Variants in CPNE2 observed in about 807,000 individuals in gnomAD.
The protein encoded by CPNE2 is copine-2.
Under a neutral mutation model 69.7 loss-of-function variants are expected in CPNE2, and 42 were observed. The ratio of observed to expected loss-of-function variants is 0.60; its 90% CI spans 0.47 to 0.78. CPNE2 has a LOEUF of 0.78. Ranked by LOEUF, CPNE2 falls within the 30% of genes least tolerant of loss-of-function variation. The pLI is 0.00. For missense variants in CPNE2, 587 were observed against 732.0 expected (o/e 0.80, Z 2.29); for synonymous variants, 294 against 289.8 (o/e 1.01, Z -0.15).
intron 14 of CPNE2, among the ~76,000 whole-genome samples, chr16:57,138,206 C>T (rs1478845329): frequency 6.6e-6 from 1 of 152,212 alleles, no homozygotes; most frequent in African/African-American, 2.4e-5. Flanking sequence ...GGCCAGCCCC[C>T]ACCCCTTTCT....
intron 6 of CPNE2, 42 bp from the exon 7 acceptor site, chr16:57,119,519 T>C (rs1386535020): frequency 2.6e-6 from 4 of 1,550,676 alleles, no homozygotes; most frequent in Non-Finnish European, 3.5e-6. Flanking sequence ...AGAGCACTGC[T>C]GCCCAGGGCC....
At chr16:57,104,852 G>A (rs1022254651) in intron 1 of CPNE2, among the ~76,000 whole-genome samples, 2 of 152,184 alleles carry the variant, frequency 1.3e-5, no homozygotes, top group African/African-American at 4.8e-5. Flanking sequence ...GGAACAGCAA[G>A]TGCTAAGGCC....
intron 1 of CPNE2, among the ~76,000 whole-genome samples, chr16:57,100,376 G>T (rs1424879363): frequency 6.6e-6 from 1 of 152,256 alleles, no homozygotes. Flanking sequence ...TGAGGGAGGG[G>T]ACTTTGAGAG....
intron 1 of CPNE2, among the ~76,000 whole-genome samples, chr16:57,103,540 C>T (rs2069628921): frequency 6.6e-6 from 1 of 152,236 alleles, no homozygotes; most frequent in Non-Finnish European, 1.5e-5. Flanking sequence ...TCTCCACCAG[C>T]CTCTGGAATG....
Position 57,117,450 on chromosome 16 carries a change from G to A in CPNE2, c.436-46G>A. On this transcript the variant is annotated intron_variant, in intron 4 of 15. Coordinates refer to ENST00000290776, the MANE Select transcript of CPNE2 (RefSeq NM_152727.6). ...GCACCCTGTGCCATCCTGCCTGGCA[G>A]GAGGCTGGGGGAGTCTGAGGAGCCC... is the stretch of plus-strand genomic sequence containing the variant. The A allele has an allele frequency of 1.9e-6, 3 of 1,592,028 alleles. No homozygotes were observed. The South Asian group carries it at 3.4e-5, about 18-fold the overall frequency.
At chr16:57,112,370 G>T (rs1597493590) in intron 2 of CPNE2, among the ~76,000 whole-genome samples, 1 of 152,094 alleles carries the variant, frequency 6.6e-6, no homozygotes, top group East Asian at 1.9e-4. Flanking sequence ...TAGAACCCTT[G>T]AGTGCCCCGA....
At chr16:57,109,285 G>A (rs1328048646) in intron 1 of CPNE2, among the ~76,000 whole-genome samples, 1 of 152,114 alleles carries the variant, frequency 6.6e-6, no homozygotes, top group Non-Finnish European at 1.5e-5. Context: ...AGACCAGCCT[G>A]GTCAATGTGG....
chr16:57,104,528 T>C (rs914571375), intron 1 of CPNE2, among the ~76,000 whole-genome samples: 1 of 152,150 alleles, frequency 6.6e-6, no homozygotes, highest in Non-Finnish European at 1.5e-5. Context: ...GTGGCTATGA[T>C]TGCTCTGGGG....
intron 1 of CPNE2, among the ~76,000 whole-genome samples, chr16:57,100,660 G>A (rs1205285022): frequency 5.9e-5 from 9 of 152,244 alleles, no homozygotes; most frequent in African/African-American, 2.2e-4. Flanking sequence ...CTCACCTGGA[G>A]AATGGGAGTG....
Position 57,147,713 on chromosome 16 carries a change from C to T in CPNE2, c.*55C>T. The T allele has an allele frequency of 1.7e-6, 2 of 1,195,580 alleles. No individual in the cohort carries two copies. The highest frequency in any genetic ancestry group is 2.3e-6 in the Non-Finnish European group (2 of 853,402). 74.1% of individuals were successfully genotyped at this position (1,195,580 alleles called of 1,614,324 possible). A position where few individuals can be genotyped will look rare whatever the true frequency, so the allele number is the denominator to read the frequency against. ...TGAGCCTCCTGCCCTCCCCCAGGAA[C>T]ATGCACGCTCACTCTGCTTCCTTGT... On this transcript the variant is annotated 3_prime_UTR_variant, in exon 16 of 16. Transcript: ENST00000290776.
intron 13 of CPNE2, among the ~76,000 whole-genome samples, chr16:57,136,220 G>T (rs1425539038): frequency 6.6e-6 from 1 of 152,164 alleles, no homozygotes; most frequent in Non-Finnish European, 1.5e-5. Context: ...ACCTTCCCTG[G>T]GGATCCCCAA....
rs2069675093 is a variant in CPNE2 at position 57,110,688 on chromosome 16, C to T, written c.-35-20C>T. On this transcript the variant is annotated intron_variant, in intron 1 of 15. Coordinates refer to ENST00000290776, the MANE Select transcript of CPNE2 (RefSeq NM_152727.6). ...AGCAGGTGTCTGTCCACTCTCTGAC[C>T]CTCACTTCTGTTCCCCTAGACTGCC... 2 of 1,462,230 alleles carry T rather than the reference C, an allele frequency of 1.4e-6. No individual in the cohort carries two copies. The highest frequency in any genetic ancestry group is 2.7e-5 in the South Asian group (2 of 73,442). 90.6% of individuals were successfully genotyped at this position (1,462,230 alleles called of 1,614,324 possible).
At chr16:57,097,018 C>T (rs980032830) in intron 1 of CPNE2, among the ~76,000 whole-genome samples, 2 of 152,000 alleles carry the variant, frequency 1.3e-5, no homozygotes, top group Non-Finnish European at 2.9e-5. Flanking sequence ...GGTTCAGGAG[C>T]CCATTCATTC....
chr16:57,131,884 G>A (rs1384442767), intron 12 of CPNE2, among the ~76,000 whole-genome samples: 2 of 152,202 alleles, frequency 1.3e-5, no homozygotes, highest in Admixed American at 6.5e-5. Flanking sequence ...CTAGAATTTC[G>A]GGGAGTGGCC....
chr16:57,125,777 A>T, intron 10 of CPNE2, 83 bp from the exon 11 acceptor site: 2 of 1,560,510 alleles, frequency 1.3e-6, no homozygotes, highest in African/African-American at 1.4e-5. Flanking sequence ...CCCATGTCCC[A>T]TCTACCTCTC....
In CPNE2 at chr16:57,121,652, CTCTT is replaced by C. The variant is rs2069762952; in HGVS notation, c.781-16_781-13del. The C allele has an allele frequency of 6.8e-6, 11 of 1,612,404 alleles. No individual in the cohort carries two copies. Among genetic ancestry groups the C allele is most frequent in the South Asian group, 1.1e-5 (1 of 91,020 alleles). On this transcript the variant is annotated intron_variant, in intron 8 of 15. Transcript: ENST00000290776. ...TCCAAAGAAGCCCCGAGGTGAGTGT[CTCTT>C]TCTTTTGCGTTGCCCAGCTGGAGTT...
intron 1 of CPNE2, 148 bp from the exon 2 acceptor site, chr16:57,110,560 A>G (rs933029299): frequency 4.3e-6 from 2 of 468,390 alleles, no homozygotes; most frequent in East Asian, 3.6e-5. Context: ...CTTTCTTCAA[A>G]CCTTTGCCTA....
Position 57,132,430 on chromosome 16 carries a change from A to T in CPNE2, c.1117-2345A>T, listed in dbSNP as rs144683417. 3.0e-3 allele frequency among the ~76,000 whole-genome samples: 463 copies of T among 152,216 alleles called. 1 individual carries two copies. The highest frequency in any genetic ancestry group is 0.01 in the African/African-American group (430 of 41,530). On this transcript the variant is annotated intron_variant, in intron 12 of 15. Coordinates refer to ENST00000290776, the MANE Select transcript of CPNE2 (RefSeq NM_152727.6). The stretch of plus-strand genomic sequence containing the variant: ...GTGGGGAAACTGAGGCTCAGAGAGG[A>T]CAGTCACTCTGAGATCCCTTGGGCT...
At chr16:57,137,121 G>T in intron 13 of CPNE2, 28 bp from the exon 14 acceptor site, 1 of 1,610,904 alleles carries the variant, frequency 6.2e-7, no homozygotes, top group Non-Finnish European at 8.5e-7. Flanking sequence ...GGGAGACCTG[G>T]CTGATCCAGA....
Sources: allele counts gnomAD v4.1 joint callset (sites outside exome capture counted in the v4.1 genomes callset), GRCh38; gene constraint gnomAD v4.1.1; transcripts MANE v1.5; gene names NCBI Gene and HGNC (gene_info 2026-07-23, HGNC 2026-07-21).